Variants in FGF13 observed in about 807,000 individuals in gnomAD.
FGF13 encodes the protein fibroblast growth factor homologous factor 2.
Under a neutral mutation model 19.5 loss-of-function variants are expected in FGF13, and 2 were observed. That is an observed-to-expected ratio of 0.10 (90% CI 0.04 to 0.32). The LOEUF (loss-of-function observed/expected upper bound fraction) is 0.32. Among genes scored for constraint, FGF13 ranks in the 10% least tolerant of loss-of-function variants. The pLI is 1.00. For missense variants in FGF13, 113 were observed against 192.7 expected (o/e 0.59, Z 2.45); for synonymous variants, 72 against 76.9 (o/e 0.94, Z 0.33).
intron 3 of FGF13, among the ~76,000 whole-genome samples, chrX:138,699,210 CTT>C (rs763238026): frequency 5.4e-5 from 6 of 111,691 alleles, no homozygotes; most frequent in African/African-American, 1.6e-4. Context: ...GTCCTCATCT[CTT>C]TGTCTCCTAT....
intron 3 of FGF13, among the ~76,000 whole-genome samples, chrX:138,764,623 T>C: frequency 8.9e-6 from 1 of 112,583 alleles, no homozygotes; most frequent in Middle Eastern, 4.6e-3. Flanking sequence ...CTGCCATTAG[T>C]TACAGACACA....
At chrX:139,069,561 T>C (rs1211605557) in intron 1 of FGF13, among the ~76,000 whole-genome samples, 3 of 102,835 alleles carry the variant, frequency 2.9e-5, no homozygotes, top group South Asian at 9.8e-4. Context: ...CATGTATACA[T>C]AGGTAACTAA....
intron 3 of FGF13, chrX:138,806,317 C>T (rs1243072734): frequency 8.9e-6 from 1 of 112,148 alleles, no homozygotes; most frequent in Non-Finnish European, 1.9e-5. Flanking sequence ...TCAGTGGAGC[C>T]AGCAAAATCT....
chrX:138,850,698 T>C (rs1034243290), intron 3 of FGF13, among the ~76,000 whole-genome samples: 66 of 112,185 alleles, frequency 5.9e-4, no homozygotes, highest in Admixed American at 1.4e-3. Flanking sequence ...AAAGTCTTCT[T>C]ATCTCTTCAG....
intron 1 of FGF13, among the ~76,000 whole-genome samples, chrX:139,128,713 A>AG (rs2083737023): frequency 1.8e-5 from 2 of 112,248 alleles, no homozygotes; most frequent in Admixed American, 9.4e-5. Context: ...CATTGTGAAA[A>AG]TTAATGAAAA....
chrX:138,703,850 G>A (rs1417646481), intron 2 of FGF13, among the ~76,000 whole-genome samples: 2 of 111,761 alleles, frequency 1.8e-5, no homozygotes, highest in East Asian at 5.7e-4. Flanking sequence ...TAGTGGCTGG[G>A]ATTACAAGCA....
chrX:138,987,617 T>C (rs769491469), intron 1 of FGF13, among the ~76,000 whole-genome samples: 1 of 112,309 alleles, frequency 8.9e-6, no homozygotes, highest in African/African-American at 3.2e-5. Context: ...AAAGTTCTGA[T>C]CCAAATGATG....
rs764058371 is a variant in FGF13, at chrX:138,702,978, G to C, written c.402+6C>G. On this transcript the variant is annotated splice_donor_region_variant and intron_variant, in intron 3 of 4. Coordinates refer to ENST00000315930, the MANE Select transcript of FGF13 (RefSeq NM_004114.5). The stretch of plus-strand genomic sequence containing the variant: ...AGTCAAAACATGCACACAGTCAAAA[G>C]CTTACCGAGGTGTACAAGTATCCCT... The C allele has an allele frequency of 1.6e-5, 19 of 1,176,903 alleles. No individual in the cohort carries two copies. The Admixed American group carries it at 3.9e-4, about 24-fold the overall frequency.
chrX:138,893,944 C>T (rs1467304288), intron 1 of FGF13, among the ~76,000 whole-genome samples: 1 of 111,528 alleles, frequency 9.0e-6, no homozygotes, highest in Non-Finnish European at 1.9e-5. Flanking sequence ...TGTTTACATT[C>T]ATTATTATTG....
intron 1 of FGF13, among the ~76,000 whole-genome samples, chrX:139,194,810 C>T (rs1343257774): frequency 1.8e-5 from 2 of 111,836 alleles, no homozygotes; most frequent in African/African-American, 6.5e-5. Context: ...CACCGGAGCG[C>T]GCAGTATCTT....
chrX:139,148,564 T>C (rs1391923107), intron 1 of FGF13, among the ~76,000 whole-genome samples: 1 of 101,391 alleles, frequency 9.9e-6, no homozygotes, highest in East Asian at 3.1e-4. Flanking sequence ...AATGCTATAA[T>C]GTGATTTGGC....
At chrX:138,763,721 G>C (rs1367386966) in intron 3 of FGF13, among the ~76,000 whole-genome samples, 1 of 111,676 alleles carries the variant, frequency 9.0e-6, no homozygotes, top group East Asian at 2.8e-4. Context: ...TAAGTCACCA[G>C]CTGTAAAACA....
chrX:139,132,854 A>T (rs1342831997), intron 1 of FGF13, among the ~76,000 whole-genome samples: 1 of 112,127 alleles, frequency 8.9e-6, no homozygotes, highest in East Asian at 2.8e-4. Context: ...GAACATAGTA[A>T]GATCTCATTT....
At chrX:138,871,867 G>C (rs1206699905) in intron 1 of FGF13, among the ~76,000 whole-genome samples, 2 of 112,100 alleles carry the variant, frequency 1.8e-5, no homozygotes, top group African/African-American at 3.2e-5. Flanking sequence ...GTCTGCTCAT[G>C]TAGGCCATTG....
chrX:138,927,404 T>A (rs2091679466), intron 1 of FGF13, among the ~76,000 whole-genome samples: 1 of 111,804 alleles, frequency 8.9e-6, no homozygotes, highest in Non-Finnish European at 1.9e-5. Flanking sequence ...TCACCTATGC[T>A]GTGCTCCATG....
intron 3 of FGF13, among the ~76,000 whole-genome samples, chrX:138,836,896 T>A (rs2091116411): frequency 1.0e-5 from 1 of 100,251 alleles, no homozygotes. Flanking sequence ...TTTTTTTTTT[T>A]CTTTAACAGT....
chrX:138,745,273 G>T (rs1369876238), intron 3 of FGF13, among the ~76,000 whole-genome samples: 1 of 112,035 alleles, frequency 8.9e-6, no homozygotes, highest in Non-Finnish European at 1.9e-5. Flanking sequence ...TTAGTAGGAA[G>T]CCTTGTCCGA....
chrX:139,078,506 G>C (rs2083347098), intron 1 of FGF13, among the ~76,000 whole-genome samples: 1 of 112,406 alleles, frequency 8.9e-6, no homozygotes, highest in African/African-American at 3.2e-5. Context: ...AATTTGTTAA[G>C]ACTTTGAAAA....
At chrX:138,891,364 T>C (rs2091476134) in intron 1 of FGF13, among the ~76,000 whole-genome samples, 1 of 111,607 alleles carries the variant, frequency 9.0e-6, no homozygotes, top group Non-Finnish European at 1.9e-5. Context: ...GTTCGGCTTC[T>C]GGTGAGGGCT....
Sources: allele counts gnomAD v4.1 joint callset (sites outside exome capture counted in the v4.1 genomes callset), GRCh38; gene constraint gnomAD v4.1.1; transcripts MANE v1.5; gene names NCBI Gene and HGNC (gene_info 2026-07-23, HGNC 2026-07-21).